Variants in STX8 observed in about 807,000 individuals in gnomAD.
STX8 encodes the protein syntaxin-8.
In STX8, 23 loss-of-function variants were observed where a neutral mutation model predicts 37.5. The observed-to-expected ratio is 0.61, with a 90% confidence interval of 0.44 to 0.87. The LOEUF (loss-of-function observed/expected upper bound fraction) is 0.87, where lower values mean the gene tolerates loss of function less well. Ranked by LOEUF, STX8 falls within the 40% of genes least tolerant of loss-of-function variation. STX8 has a pLI of 0.00. For missense variants in STX8, 313 were observed against 284.7 expected, an observed-to-expected ratio of 1.10 and a Z score of -0.71; for synonymous variants, 115 against 99.1, an observed-to-expected ratio of 1.16 and a Z score of -0.95.
chr17:9,556,076 T>C (rs1046037538), intron 3 of STX8, among the ~76,000 whole-genome samples: 2 of 152,180 alleles, frequency 1.3e-5, no homozygotes, highest in Non-Finnish European at 2.9e-5. Flanking sequence ...CTGTAATTGT[T>C]TGAAATTAAA....
At chr17:9,269,054 G>A (rs1279886670) in intron 7 of STX8, among the ~76,000 whole-genome samples, 2 of 152,116 alleles carry the variant, frequency 1.3e-5, no homozygotes, top group African/African-American at 4.8e-5. Flanking sequence ...GGGCATGGTG[G>A]CGGGCGCCTG....
At chr17:9,570,420 TCA>T (rs1180423558) in intron 1 of STX8, among the ~76,000 whole-genome samples, 3 of 151,990 alleles carry the variant, frequency 2.0e-5, no homozygotes, top group African/African-American at 7.2e-5. Context: ...CATATATATA[TCA>T]CACACATTCA....
chr17:9,250,690 A>G, intron 7 of STX8, 45 bp from the exon 8 acceptor site: 1 of 1,537,212 alleles, frequency 6.5e-7, no homozygotes, highest in Non-Finnish European at 8.8e-7. Context: ...GATTCCTACC[A>G]GAAAAGCATC....
rs1164342203 is a variant in STX8 at position 9,267,447 on chromosome 17, G to T, written c.644-16802C>A. ...CTATGACCCTTCCCCATGTGTGATGGCCTTCAGTGCTCAATGCTGCCCATA... is the reference window on the plus strand; with the variant it reads ...CTATGACCCTTCCCCATGTGTGATGTCCTTCAGTGCTCAATGCTGCCCATA... On this transcript the variant is annotated intron_variant, in intron 7 of 7. Coordinates refer to ENST00000306357, the MANE Select transcript of STX8 (RefSeq NM_004853.3). Among the ~76,000 whole-genome samples, 3 of 152,232 alleles carry T rather than the reference G, an allele frequency of 2.0e-5. No individual in the cohort carries two copies. The East Asian group carries it at 5.8e-4, about 29-fold the overall frequency.
intron 7 of STX8, among the ~76,000 whole-genome samples, chr17:9,367,932 A>AT (rs1300299174): frequency 1.3e-5 from 2 of 152,112 alleles, no homozygotes; most frequent in Non-Finnish European, 2.9e-5. Flanking sequence ...GGTTTTTGCC[A>AT]TGTTGGTCAG....
chr17:9,495,705 T>A (rs189487954), intron 5 of STX8, among the ~76,000 whole-genome samples: 2 of 152,348 alleles, frequency 1.3e-5, no homozygotes, highest in African/African-American at 4.8e-5. Flanking sequence ...AGTGCTGCAG[T>A]AAATTTTCAT....
intron 6 of STX8, among the ~76,000 whole-genome samples, chr17:9,472,210 C>T (rs535282367): frequency 2.0e-5 from 3 of 152,270 alleles, no homozygotes; most frequent in African/African-American, 7.2e-5. Flanking sequence ...CACTGGTCAT[C>T]CCTCTCTGAG....
chr17:9,347,372 G>A (rs1198461716), intron 7 of STX8, among the ~76,000 whole-genome samples: 1 of 152,142 alleles, frequency 6.6e-6, no homozygotes, highest in Non-Finnish European at 1.5e-5. Flanking sequence ...TTCTAATGGA[G>A]CAGCTATATA....
At chr17:9,279,992 C>T (rs1052319260) in intron 7 of STX8, among the ~76,000 whole-genome samples, 4 of 152,104 alleles carry the variant, frequency 2.6e-5, no homozygotes, top group Non-Finnish European at 4.4e-5. Context: ...CCCAGCACTT[C>T]GGTGGATCAC....
intron 5 of STX8, among the ~76,000 whole-genome samples, chr17:9,497,847 TACA>T (rs747875100): frequency 1.3e-5 from 2 of 152,176 alleles, no homozygotes; most frequent in Non-Finnish European, 2.9e-5. Context: ...GACTGAAATG[TACA>T]ACACTTGTTT....
chr17:9,542,534 G>A (rs186556490), intron 4 of STX8, among the ~76,000 whole-genome samples: 1,701 of 149,030 alleles, frequency 0.011, 35 homozygotes, highest in African/African-American at 0.039. Flanking sequence ...AAAATTAGCC[G>A]GGCATGGTGG....
chr17:9,319,675 A>G (rs987808229), intron 7 of STX8, among the ~76,000 whole-genome samples: 19 of 152,184 alleles, frequency 1.2e-4, no homozygotes, highest in African/African-American at 4.6e-4. Flanking sequence ...AAAGCCGGCC[A>G]GGCACAGTGG....
chr17:9,281,977 C>T (rs1357028992), intron 7 of STX8, among the ~76,000 whole-genome samples: 1 of 152,202 alleles, frequency 6.6e-6, no homozygotes, highest in Non-Finnish European at 1.5e-5. Flanking sequence ...CTGGAGGCCT[C>T]TCCACCAGGG....
intron 4 of STX8, among the ~76,000 whole-genome samples, chr17:9,510,355 A>G (rs1033857669): frequency 1.3e-5 from 2 of 152,156 alleles, no homozygotes; most frequent in African/African-American, 2.4e-5. Context: ...CACATAGAAC[A>G]TGGACTGACC....
chr17:9,285,211 C>T (rs1331956363), intron 7 of STX8, among the ~76,000 whole-genome samples: 1 of 152,046 alleles, frequency 6.6e-6, no homozygotes, highest in East Asian at 1.9e-4. Context: ...AAAACAGATT[C>T]CCAGGCCCCA....
At chr17:9,317,492 G>A (rs1027602998) in intron 7 of STX8, among the ~76,000 whole-genome samples, 11 of 152,298 alleles carry the variant, frequency 7.2e-5, no homozygotes, top group South Asian at 2.1e-4. Flanking sequence ...TTGGCCGGGC[G>A]CGGTGGCTCA....
At chr17:9,454,278 T>C (rs531590365) in intron 6 of STX8, among the ~76,000 whole-genome samples, 17 of 152,160 alleles carry the variant, frequency 1.1e-4, no homozygotes, top group Non-Finnish European at 2.5e-4. Context: ...GGAGCACGTA[T>C]GGCATGGAGA....
chr17:9,364,223 C>T (rs1597625994), intron 7 of STX8, among the ~76,000 whole-genome samples: 1 of 152,144 alleles, frequency 6.6e-6, no homozygotes, highest in African/African-American at 2.4e-5. Context: ...CATTTTAGCT[C>T]CTGAAATGAA....
intron 7 of STX8, among the ~76,000 whole-genome samples, chr17:9,319,216 G>A (rs1479149518): frequency 8.6e-5 from 13 of 151,726 alleles, no homozygotes; most frequent in African/African-American, 2.7e-4. Context: ...TCAGGAGATC[G>A]AGACCGTCCT....
Sources: allele counts gnomAD v4.1 joint callset (sites outside exome capture counted in the v4.1 genomes callset), GRCh38; gene constraint gnomAD v4.1.1; transcripts MANE v1.5; gene names NCBI Gene and HGNC (gene_info 2026-07-23, HGNC 2026-07-21).